The following NELL1 variants were observed in gnomAD, a reference collection of about 807,000 sequenced individuals.
NELL1 encodes protein kinase C-binding protein NELL1.
In NELL1, 76 loss-of-function variants were observed where a neutral mutation model predicts 107.4. That is an observed-to-expected ratio of 0.71 (90% CI 0.59 to 0.86). NELL1 has a LOEUF of 0.86. Ranked by LOEUF, NELL1 falls within the 40% of genes least tolerant of loss-of-function variation. The probability of loss-of-function intolerance (pLI) is 0.00; values close to 1 mark genes in which losing one functional copy is unlikely to be tolerated. For synonymous variants in NELL1, 353 were observed against 341.2 expected (o/e 1.03, Z -0.38); for missense variants, 1,024 against 1,005.5 (o/e 1.02, Z -0.25).
intron 12 of NELL1, among the ~76,000 whole-genome samples, chr11:21,071,586 T>C (rs1854016888): frequency 1.3e-5 from 2 of 152,172 alleles, no homozygotes; most frequent in African/African-American, 4.8e-5. Context: ...ATATCATCAG[T>C]GTAGCTTTGG....
chr11:20,958,070 A>G (rs1175815592), intron 11 of NELL1, among the ~76,000 whole-genome samples: 1 of 152,168 alleles, frequency 6.6e-6, no homozygotes, highest in Non-Finnish European at 1.5e-5. Flanking sequence ...TCCTAAATAA[A>G]AATACATTTA....
At chr11:20,721,234 T>TTATAGA (rs1554906609) in intron 2 of NELL1, among the ~76,000 whole-genome samples, 1 of 138,852 alleles carries the variant, frequency 7.2e-6, no homozygotes, top group Non-Finnish European at 1.5e-5. Flanking sequence ...TATATTTTGT[T>TTATAGA]TATATATATA....
intron 4 of NELL1, among the ~76,000 whole-genome samples, chr11:20,872,671 GGTGT>G (rs61184129): frequency 0.011 from 1,559 of 137,146 alleles, 17 homozygotes; most frequent in African/African-American, 0.036. Flanking sequence ...CAGTGTTTGA[GGTGT>G]GTGTGTGTGT....
At chr11:21,088,937 A>G (rs1471826178) in intron 12 of NELL1, among the ~76,000 whole-genome samples, 2 of 152,214 alleles carry the variant, frequency 1.3e-5, no homozygotes, top group Non-Finnish European at 2.9e-5. Flanking sequence ...TATCATTTGA[A>G]GATAGCATCT....
chr11:20,730,128 A>T (rs1051646170), intron 2 of NELL1, among the ~76,000 whole-genome samples: 1 of 152,234 alleles, frequency 6.6e-6, no homozygotes, highest in Non-Finnish European at 1.5e-5. Context: ...CCATGTAGGA[A>T]CTGTGAATTA....
intron 15 of NELL1, among the ~76,000 whole-genome samples, chr11:21,448,060 C>A (rs746703812): frequency 1.3e-5 from 2 of 152,182 alleles, no homozygotes; most frequent in Non-Finnish European, 2.9e-5. Context: ...AACCACGTAG[C>A]CACTGCCAGG....
At chr11:21,363,526 G>C (rs145596076) in intron 14 of NELL1, among the ~76,000 whole-genome samples, 1 of 152,214 alleles carries the variant, frequency 6.6e-6, no homozygotes, top group Non-Finnish European at 1.5e-5. Flanking sequence ...TTTCTGCAGT[G>C]GTTCTTGGAA....
intron 5 of NELL1, among the ~76,000 whole-genome samples, chr11:20,903,007 T>C (rs1192784920): frequency 6.6e-6 from 1 of 152,072 alleles, no homozygotes; most frequent in African/African-American, 2.4e-5. Flanking sequence ...GGGAGTTTTA[T>C]TAGGGTTGTG....
At chr11:21,452,103 T>C (rs2133859496) in intron 15 of NELL1, among the ~76,000 whole-genome samples, 1 of 152,328 alleles carries the variant, frequency 6.6e-6, no homozygotes, top group East Asian at 1.9e-4. Context: ...TGAAAGTTAA[T>C]TATTGTCAGA....
At chr11:21,241,421 G>T (rs1030302879) in intron 14 of NELL1, among the ~76,000 whole-genome samples, 17 of 152,120 alleles carry the variant, frequency 1.1e-4, no homozygotes, top group Admixed American at 1.1e-3. Context: ...GTAAGGCAAG[G>T]TTAGCTTAAA....
intron 13 of NELL1, among the ~76,000 whole-genome samples, chr11:21,175,685 G>A (rs931045349): frequency 2.6e-5 from 4 of 151,842 alleles, no homozygotes; most frequent in Non-Finnish European, 4.4e-5. Flanking sequence ...TGGCAGCTCC[G>A]ATGCTACAGT....
chr11:21,453,295 T>C (rs1853634265), intron 15 of NELL1, among the ~76,000 whole-genome samples: 1 of 152,102 alleles, frequency 6.6e-6, no homozygotes, highest in Non-Finnish European at 1.5e-5. Flanking sequence ...ATCTTTGTTA[T>C]GTACATGTGC....
chr11:21,459,611 A>G (rs1448698260), intron 15 of NELL1, among the ~76,000 whole-genome samples: 1 of 152,060 alleles, frequency 6.6e-6, no homozygotes, highest in East Asian at 1.9e-4. Flanking sequence ...ATATGGTCAG[A>G]TAGTAAGATG....
At chr11:21,003,252 A>C (rs954417000) in intron 12 of NELL1, among the ~76,000 whole-genome samples, 1 of 152,150 alleles carries the variant, frequency 6.6e-6, no homozygotes, top group African/African-American at 2.4e-5. Flanking sequence ...TTTTCTGAAA[A>C]AATGTGTTGT....
chr11:20,702,466 T>C (rs1296306012), intron 2 of NELL1, among the ~76,000 whole-genome samples: 1 of 152,138 alleles, frequency 6.6e-6, no homozygotes, highest in African/African-American at 2.4e-5. Flanking sequence ...CAGGGACAAT[T>C]TGACTTCCTC....
intron 5 of NELL1, among the ~76,000 whole-genome samples, chr11:20,897,721 G>GA (rs1564956262): frequency 1.3e-5 from 2 of 151,958 alleles, no homozygotes; most frequent in African/African-American, 4.8e-5. Context: ...AAATTTACAA[G>GA]AAAAAAACAA....
chr11:21,267,072 T>A (rs533159926), intron 14 of NELL1, among the ~76,000 whole-genome samples: 1 of 152,212 alleles, frequency 6.6e-6, no homozygotes, highest in South Asian at 2.1e-4. Context: ...AACTGTGGAT[T>A]TATAGGTATG....
rs551920508 is a variant in NELL1 at position 20,815,130 on chromosome 11, T to C, written c.335+31300T>C. Among the ~76,000 whole-genome samples the C allele has an allele frequency of 5.9e-5, 9 of 152,276 alleles. No individual in the cohort carries two copies. In the East Asian group the frequency reaches 1.7e-3, roughly 29 times the overall value. ...CCCAGGCTGGAGTGCAGTGGTGTAA[T>C]CTCCACTCACTGCAACCTCCACCTC... On this transcript the variant is annotated intron_variant, in intron 3 of 19. Coordinates refer to ENST00000357134, the MANE Select transcript of NELL1 (RefSeq NM_006157.5).
intron 3 of NELL1, among the ~76,000 whole-genome samples, chr11:20,817,803 T>A: frequency 6.7e-6 from 1 of 149,482 alleles, no homozygotes; most frequent in South Asian, 2.2e-4. Flanking sequence ...TCCTCCCAGA[T>A]ATTTTGATAT....
Sources: allele counts gnomAD v4.1 joint callset (sites outside exome capture counted in the v4.1 genomes callset), GRCh38; gene constraint gnomAD v4.1.1; transcripts MANE v1.5; gene names NCBI Gene and HGNC (gene_info 2026-07-23, HGNC 2026-07-21).